MICAL2: variants seen among roughly 807,000 people sequenced by gnomAD.
MICAL2 encodes the protein [F-actin]-monooxygenase MICAL2.
In MICAL2, 77 loss-of-function variants were observed where a neutral mutation model predicts 127.3. That is an observed-to-expected ratio of 0.60 (90% confidence interval 0.50 to 0.73). The LOEUF is 0.73. Ranked by LOEUF, MICAL2 falls within the 30% of genes least tolerant of loss-of-function variation. The probability of loss-of-function intolerance (pLI) is 0.00; values close to 1 mark genes in which losing one functional copy is unlikely to be tolerated. For missense variants in MICAL2, 1,351 were observed against 1,434.4 expected, an observed-to-expected ratio of 0.94 and a Z score of 0.94; for synonymous variants, 570 against 551.1, an observed-to-expected ratio of 1.03 and a Z score of -0.48.
At chr11:12,200,386 A>G (rs1590314936) in intron 3 of MICAL2, among the ~76,000 whole-genome samples, 1 of 152,148 alleles carries the variant, frequency 6.6e-6, no homozygotes, top group Admixed American at 6.5e-5. Flanking sequence ...GTCTGTTTGG[A>G]CCACATCCAG....
chr11:12,194,042 G>C (rs1460471340), intron 3 of MICAL2, among the ~76,000 whole-genome samples: 2 of 152,230 alleles, frequency 1.3e-5, no homozygotes, highest in Admixed American at 6.5e-5. Flanking sequence ...CAATAATATG[G>C]AAGACACTTA....
At chr11:12,124,703 T>C (rs1257535374) in intron 1 of MICAL2, among the ~76,000 whole-genome samples, 2 of 152,240 alleles carry the variant, frequency 1.3e-5, no homozygotes, top group African/African-American at 4.8e-5. Context: ...CTACTCTTCA[T>C]TCCAGTGTTG....
chr11:12,156,331 G>A (rs1170469016), intron 2 of MICAL2, among the ~76,000 whole-genome samples: 1 of 152,204 alleles, frequency 6.6e-6, no homozygotes, highest in East Asian at 1.9e-4. Context: ...AGGGGCTTGG[G>A]CTTCCTGGAG....
intron 34 of MICAL2, among the ~76,000 whole-genome samples, chr11:12,357,525 G>C (rs544421783): frequency 6.6e-6 from 1 of 152,276 alleles, no homozygotes; most frequent in Non-Finnish European, 1.5e-5. Flanking sequence ...CAAAAGGCTA[G>C]TTTGTCATTA....
intron 2 of MICAL2, chr11:12,161,384 C>CT (rs1374667301): frequency 5.3e-5 from 8 of 152,324 alleles, no homozygotes; most frequent in African/African-American, 1.7e-4. Flanking sequence ...CACAGGCCCC[C>CT]TTTGCACAGG....
At chr11:12,261,378 A>G in intron 26 of MICAL2, 1 of 985,498 alleles carries the variant, frequency 1.0e-6, no homozygotes, top group Non-Finnish European at 1.2e-6. Context: ...CAAAGGACAT[A>G]TGCATGAGTA....
chr11:12,193,635 C>A (rs10831757), intron 3 of MICAL2, among the ~76,000 whole-genome samples: 63,792 of 151,968 alleles, frequency 0.42, 13,520 homozygotes, highest in East Asian at 0.55. Flanking sequence ...GAGGGCAATG[C>A]AGGAGTCACA....
downstream of MICAL2, among the ~76,000 whole-genome samples, chr11:12,359,582 G>A (rs17392875): frequency 0.02 from 3,068 of 152,174 alleles, 40 homozygotes; most frequent in Non-Finnish European, 0.034. Flanking sequence ...ATCCCAAACT[G>A]GGTCATGAAT....
chr11:12,211,149 G>A (rs1855405598), intron 6 of MICAL2, among the ~76,000 whole-genome samples: 1 of 152,200 alleles, frequency 6.6e-6, no homozygotes, highest in Admixed American at 6.5e-5. Flanking sequence ...GGAGGCTGAG[G>A]TGGGCGGATC....
chr11:12,278,191 T>C (rs945073494), intron 1 of MICAL2, among the ~76,000 whole-genome samples: 1 of 152,212 alleles, frequency 6.6e-6, no homozygotes, highest in African/African-American at 2.4e-5. Flanking sequence ...TTGAAAAATA[T>C]TTTTCTTTCT....
chr11:12,200,107 T>C (rs1039610460), intron 3 of MICAL2, among the ~76,000 whole-genome samples: 2 of 152,090 alleles, frequency 1.3e-5, no homozygotes, highest in East Asian at 3.9e-4. Context: ...GTAGCAGGCC[T>C]GGTACTGGGC....
intron 1 of MICAL2, among the ~76,000 whole-genome samples, chr11:12,277,718 T>C (rs1863736464): frequency 6.6e-6 from 1 of 152,208 alleles, no homozygotes; most frequent in African/African-American, 2.4e-5. Context: ...TTAAATTGTG[T>C]TCTGGGTATC....
At chr11:12,215,388 G>T (rs780725982) in intron 7 of MICAL2, among the ~76,000 whole-genome samples, 2 of 152,160 alleles carry the variant, frequency 1.3e-5, no homozygotes, top group African/African-American at 4.8e-5. Flanking sequence ...CTGATATGTC[G>T]CCATGTGCCT....
intron 2 of MICAL2, among the ~76,000 whole-genome samples, chr11:12,158,281 C>G (rs1204845900): frequency 6.6e-6 from 1 of 152,140 alleles, no homozygotes; most frequent in African/African-American, 2.4e-5. Context: ...AACTCCTTGA[C>G]CCAGAAAGCT....
intron 3 of MICAL2, among the ~76,000 whole-genome samples, chr11:12,189,134 T>C (rs1858726848): frequency 6.6e-6 from 1 of 152,198 alleles, no homozygotes; most frequent in Admixed American, 6.5e-5. Flanking sequence ...TGTAATCTCT[T>C]AACCTTTATA....
At chr11:12,182,878 C>G (rs1320504063) in intron 3 of MICAL2, among the ~76,000 whole-genome samples, 3 of 152,146 alleles carry the variant, frequency 2.0e-5, no homozygotes. Flanking sequence ...GCAAGAGGGC[C>G]TTGGGGTAAC....
rs917794807 is a variant in MICAL2 at position 12,345,668 on chromosome 11, A to T, written c.5516-4170A>T. Among the ~76,000 whole-genome samples, 12 of 152,332 alleles carry T rather than the reference A, an allele frequency of 7.9e-5. No homozygotes were observed. The Middle Eastern group carries it at 0.01, about 130-fold the overall frequency. ...ATGAAAAAGATCAGTTGCACAAGTA[A>T]AAGATGAAGGTATCAGACTTAACTA... is the stretch of plus-strand genomic sequence containing the variant. On this transcript the variant is annotated intron_variant, in intron 32 of 34. Coordinates refer to the MICAL2 transcript ENST00000646065.
In MICAL2 at chr11:12,345,116, CA is replaced by C. The variant is rs796748173; in HGVS notation, c.5516-4711del. Among the ~76,000 whole-genome samples, 78 of 110,458 alleles carry C rather than the reference CA, an allele frequency of 7.1e-4. 1 individual carries two copies. The highest frequency in any genetic ancestry group is 1.3e-3 in the East Asian group (5 of 3,934). 72.5% of individuals were successfully genotyped at this position (110,458 alleles called of 152,430 possible). A position where few individuals can be genotyped will look rare whatever the true frequency, so the allele number is the denominator to read the frequency against. On this transcript the variant is annotated intron_variant, in intron 32 of 34. Coordinates refer to the MICAL2 transcript ENST00000646065. ...GACAGAGCGAGACGAGAATCCATCTCAAAAAAAAAAAGAAAAAAGAAAGAAA... is the reference window on the plus strand; with the variant it reads ...GACAGAGCGAGACGAGAATCCATCTCAAAAAAAAAAGAAAAAAGAAAGAAA...
At chr11:12,331,074 C>G (rs186340861) in intron 32 of MICAL2, among the ~76,000 whole-genome samples, 1 of 152,232 alleles carries the variant, frequency 6.6e-6, no homozygotes, top group East Asian at 1.9e-4. Context: ...AGAGGCCAAG[C>G]CCAGCTCTGC....
Sources: gnomAD v4.1 joint callset for allele counts (sites outside exome capture counted in the v4.1 genomes callset) on GRCh38, gnomAD v4.1.1 for gene constraint, MANE v1.5 for transcripts, NCBI Gene and HGNC (gene_info 2026-07-23, HGNC 2026-07-21) for gene names.